The following TAFA5 variants were observed in gnomAD, a reference collection of about 807,000 sequenced individuals.
TAFA5 encodes the protein TAFA chemokine like family member 5.
TAFA5 carries 6 observed loss-of-function variants against 15.3 expected under a neutral mutation model. The observed-to-expected ratio is 0.39, with a 90% CI of 0.21 to 0.77. The LOEUF (loss-of-function observed/expected upper bound fraction) is 0.77. Ranked by LOEUF, TAFA5 falls within the 30% of genes least tolerant of loss-of-function variation. The pLI is 0.41. For missense variants in TAFA5, 161 were observed against 193.1 expected, an observed-to-expected ratio of 0.83 and a Z score of 0.98; for synonymous variants, 103 against 80.7, an observed-to-expected ratio of 1.28 and a Z score of -1.48.
chr22:48,518,624 G>A (rs1372392627), intron 1 of TAFA5, among the ~76,000 whole-genome samples: 3 of 152,210 alleles, frequency 2.0e-5, no homozygotes, highest in African/African-American at 7.2e-5. Flanking sequence ...CTGGGAGGCG[G>A]ACTCTCTCAG....
At chr22:48,653,242 G>A (rs1210759589) in intron 2 of TAFA5, among the ~76,000 whole-genome samples, 1 of 152,226 alleles carries the variant, frequency 6.6e-6, no homozygotes, top group Non-Finnish European at 1.5e-5. Flanking sequence ...CCTGGATCCA[G>A]ATGGGGTTGG....
At position 48,751,848 on chromosome 22, in the gene TAFA5, C is replaced by G. The variant is rs1930507362; in HGVS notation, c.*2001C>G. Reference sequence around the variant, plus strand: ...GATCGGGAGATTTAAGATGTTACAGCATATTTTTTTTTCTTGTTTTACAGT... The same window carrying G: ...GATCGGGAGATTTAAGATGTTACAGGATATTTTTTTTTCTTGTTTTACAGT... On this transcript the variant is annotated 3_prime_UTR_variant, in exon 4 of 4. Coordinates refer to ENST00000402357, the MANE Select transcript of TAFA5 (RefSeq NM_001082967.3). 1 of 152,570 alleles carries G rather than the reference C, an allele frequency of 6.6e-6. No individual in the cohort carries two copies. The highest frequency in any genetic ancestry group is 1.5e-5 in the Non-Finnish European group (1 of 68,044). The allele number at this position is 152,570 out of a possible 1,614,324, so 9.5% of individuals were successfully genotyped here. A position where few individuals can be genotyped will look rare whatever the true frequency, so the allele number is the denominator to read the frequency against.
At chr22:48,676,442 T>C (rs910090651) in intron 2 of TAFA5, among the ~76,000 whole-genome samples, 1 of 152,220 alleles carries the variant, frequency 6.6e-6, no homozygotes, top group East Asian at 1.9e-4. Flanking sequence ...ATCCCTGCTT[T>C]GTCTTTCCTG....
chr22:48,504,198 G>C (rs1053889515), intron 1 of TAFA5, among the ~76,000 whole-genome samples: 23 of 152,324 alleles, frequency 1.5e-4, no homozygotes, highest in African/African-American at 5.1e-4. Flanking sequence ...GAGTGGGCCA[G>C]GCCACCTTAT....
chr22:48,654,514 G>A (rs1376045232), intron 2 of TAFA5, among the ~76,000 whole-genome samples: 1 of 152,238 alleles, frequency 6.6e-6, no homozygotes, highest in Non-Finnish European at 1.5e-5. Context: ...GTGATTCGGG[G>A]ACAGAGAGCT....
chr22:48,705,020 C>T (rs1929035949), intron 2 of TAFA5, among the ~76,000 whole-genome samples: 1 of 152,052 alleles, frequency 6.6e-6, no homozygotes, highest in African/African-American at 2.4e-5. Flanking sequence ...CATGCTTGAA[C>T]TCTCTGGAGT....
chr22:48,604,410 G>A (rs1483793085), intron 1 of TAFA5, among the ~76,000 whole-genome samples: 1 of 152,224 alleles, frequency 6.6e-6, no homozygotes, highest in Non-Finnish European at 1.5e-5. Flanking sequence ...GACTTGTTCT[G>A]GGTTTTGAGC....
chr22:48,742,203 C>T lies in TAFA5; in HGVS notation c.391-7636C>T, dbSNP rs1366356014. On this transcript the variant is annotated intron_variant, in intron 3 of 3. Coordinates refer to ENST00000402357, the MANE Select transcript of TAFA5 (RefSeq NM_001082967.3). This position sits in a 1 kb window ranked among gnomAD's most constrained non-coding sequence, Gnocchi z 6.2. ...ACAGCCCTGCCCCACCCCACAGGCCCCTCATCCTTCACCAGGCACAGCCCT... is the reference window on the plus strand; with the variant it reads ...ACAGCCCTGCCCCACCCCACAGGCCTCTCATCCTTCACCAGGCACAGCCCT... Among the ~76,000 whole-genome samples the T allele has an allele frequency of 2.0e-5, 3 of 151,406 alleles. No homozygotes were observed. Among genetic ancestry groups the T allele is most frequent in the Non-Finnish European group, 4.4e-5 (3 of 67,834 alleles).
At chr22:48,684,784 GTT>G (rs1344231887) in intron 2 of TAFA5, among the ~76,000 whole-genome samples, 5 of 152,158 alleles carry the variant, frequency 3.3e-5, no homozygotes, top group Non-Finnish European at 1.5e-5. Context: ...AGGTTTCCAT[GTT>G]TCATGGTGAC....
chr22:48,699,666 C>T (rs375988122), intron 2 of TAFA5, among the ~76,000 whole-genome samples: 3 of 152,164 alleles, frequency 2.0e-5, no homozygotes, highest in African/African-American at 7.2e-5. Flanking sequence ...CTTTTATGAG[C>T]GGGTTCCTGA....
chr22:48,496,982 CA>C (rs1224619336), intron 1 of TAFA5, among the ~76,000 whole-genome samples: 2 of 152,188 alleles, frequency 1.3e-5, no homozygotes, highest in Admixed American at 6.5e-5. Context: ...TCCCAGCCAC[CA>C]GGGGAGGAGC....
At chr22:48,601,308 T>C (rs1445729390) in intron 1 of TAFA5, among the ~76,000 whole-genome samples, 7 of 152,134 alleles carry the variant, frequency 4.6e-5, no homozygotes. Flanking sequence ...TGTGTATATA[T>C]CCTTATATCT....
rs16999837 is a variant in TAFA5, at chr22:48,749,934, C to T, written c.*87C>T. ...GCCACAGTTCTCCACTCGCCTCGGA[C>T]TTCACCCGTTCTCTGCCGCCCGCCC... is the stretch of plus-strand genomic sequence containing the variant. On this transcript the variant is annotated 3_prime_UTR_variant, in exon 4 of 4. Coordinates refer to ENST00000402357, the MANE Select transcript of TAFA5 (RefSeq NM_001082967.3). 5.0e-3 allele frequency: 6,508 copies of T among 1,296,652 alleles called. 215 individuals are homozygous for T. The African/African-American group carries it at 0.081, about 16-fold the overall frequency. The allele number at this position is 1,296,652 out of a possible 1,614,324, so 80.3% of individuals were successfully genotyped here.
At chr22:48,603,220 T>C (rs1031704396) in intron 1 of TAFA5, among the ~76,000 whole-genome samples, 14 of 152,222 alleles carry the variant, frequency 9.2e-5, no homozygotes, top group African/African-American at 3.4e-4. Context: ...TCCATACCCA[T>C]GCGCACTGCC....
intron 1 of TAFA5, among the ~76,000 whole-genome samples, chr22:48,630,006 G>A (rs1195162467): frequency 1.3e-5 from 2 of 152,228 alleles, no homozygotes; most frequent in African/African-American, 4.8e-5. Context: ...GGGTCACCCT[G>A]TAAGCTGCAT....
At chr22:48,715,739 C>G (rs1253834609) in intron 3 of TAFA5, among the ~76,000 whole-genome samples, 1 of 152,190 alleles carries the variant, frequency 6.6e-6, no homozygotes, top group Non-Finnish European at 1.5e-5. Context: ...CCTCAAGAGA[C>G]AGAGGTGAGC....
At chr22:48,584,303 GACCACACAC>G (rs1924240293) in intron 1 of TAFA5, among the ~76,000 whole-genome samples, 1 of 118,850 alleles carries the variant, frequency 8.4e-6, no homozygotes, top group Admixed American at 8.4e-5. Flanking sequence ...GCAGACAGCA[GACCACACAC>G]ACACAAAATA....
chr22:48,750,253 A>C lies in TAFA5; in HGVS notation c.*406A>C, dbSNP rs912952996. The C allele has an allele frequency of 8.0e-5, 22 of 273,348 alleles. No individual in the cohort carries two copies. The highest frequency in any genetic ancestry group is 4.7e-4 in the African/African-American group (21 of 44,978). 16.9% of individuals were successfully genotyped at this position (273,348 alleles called of 1,614,324 possible). A position where few individuals can be genotyped will look rare whatever the true frequency, so the allele number is the denominator to read the frequency against. On this transcript the variant is annotated 3_prime_UTR_variant, in exon 4 of 4. Coordinates refer to ENST00000402357, the MANE Select transcript of TAFA5 (RefSeq NM_001082967.3). ...GCCCCAGGGGACTGTCAGGCACAGA[A>C]GCGGCCTCCTCCCGTGCCCCAGACT...
intron 1 of TAFA5, among the ~76,000 whole-genome samples, chr22:48,512,697 G>T (rs1354838186): frequency 3.3e-5 from 5 of 151,498 alleles, no homozygotes; most frequent in Non-Finnish European, 7.4e-5. Flanking sequence ...GAGGCGGGTG[G>T]ATCACGAGGT....
Sources: allele counts gnomAD v4.1 joint callset (sites outside exome capture counted in the v4.1 genomes callset), GRCh38; gene constraint gnomAD v4.1.1; non-coding constraint Gnocchi (gnomAD v3.1); transcripts MANE v1.5; gene names NCBI Gene and HGNC (gene_info 2026-07-23, HGNC 2026-07-21).